The following CAMKV variants were observed in gnomAD, a reference collection of about 807,000 sequenced individuals.
CAMKV encodes the protein CaM kinase like vesicle associated, also known as caM kinase-like vesicle-associated protein.
Under a neutral mutation model 50.2 loss-of-function variants are expected in CAMKV, and 5 were observed. That is an observed-to-expected ratio of 0.10 (90% CI 0.05 to 0.21). The LOEUF (loss-of-function observed/expected upper bound fraction) is 0.21. CAMKV is among the 10% of genes least tolerant of loss of function. The pLI, the probability that CAMKV is intolerant of heterozygous loss-of-function variation, is 1.00. For synonymous variants in CAMKV, 229 were observed against 250.1 expected, an observed-to-expected ratio of 0.92 and a Z score of 0.80; for missense variants, 361 against 650.5, an observed-to-expected ratio of 0.55 and a Z score of 4.84.
chr3:49,867,692 G>A (rs1003240734), intron 1 of CAMKV, among the ~76,000 whole-genome samples: 4 of 152,086 alleles, frequency 2.6e-5, no homozygotes, highest in Admixed American at 2.6e-4. Flanking sequence ...GCTTCTTCAA[G>A]GTTCTGTGAC....
intron 1 of CAMKV, among the ~76,000 whole-genome samples, chr3:49,866,237 CA>C (rs894718279): frequency 2.0e-5 from 3 of 152,188 alleles, no homozygotes; most frequent in Non-Finnish European, 4.4e-5. Flanking sequence ...CCCACTCCAC[CA>C]TCTGCTATCC....
In CAMKV at chr3:49,858,567, T is replaced by C; in HGVS notation, c.*751A>G. ...GGTCTCATTGCCACGTCCTAATTGT[T>C]CCTCCTTTCCCTTAGAGGCTCATGA... On this transcript the variant is annotated 3_prime_UTR_variant, in exon 11 of 11. Coordinates refer to ENST00000477224, the MANE Select transcript of CAMKV (RefSeq NM_024046.5). The C allele has an allele frequency of 2.6e-6, 1 of 389,008 alleles. No homozygotes were observed. The highest frequency in any genetic ancestry group is 4.5e-6 in the Non-Finnish European group (1 of 220,750). 24.1% of individuals were successfully genotyped at this position (389,008 alleles called of 1,614,324 possible).
At position 49,861,103 on chromosome 3, in the gene CAMKV, A is replaced by G. The variant is rs1559456480; in HGVS notation, c.562+77T>C. ...CACACCAGCTTCCTGAGATGAGCAC[A>G]TTTTCCCCCTGCCCAGAGCAGCTCC... is the stretch of plus-strand genomic sequence containing the variant. On this transcript the variant is annotated intron_variant, in intron 6 of 10. Transcript: ENST00000477224. This position sits in a 1 kb window ranked among gnomAD's most constrained non-coding sequence, Gnocchi z 7.7. 1.9e-6 allele frequency: 3 copies of G among 1,599,638 alleles called. No individual in the cohort carries two copies. Among genetic ancestry groups the G allele is most frequent in the South Asian group, 2.2e-5 (2 of 89,656 alleles).
chr3:49,861,122 C>A lies in CAMKV; in HGVS notation c.562+58G>T. 6.3e-7 allele frequency: 1 copy of A among 1,589,352 alleles called. No homozygotes were observed. Among genetic ancestry groups the A allele is most frequent in the East Asian group, 2.3e-5 (1 of 43,962 alleles). On this transcript the variant is annotated intron_variant, in intron 6 of 10. Coordinates refer to ENST00000477224, the MANE Select transcript of CAMKV (RefSeq NM_024046.5). The surrounding 1 kb of genome is among the most constrained non-coding windows in gnomAD (Gnocchi z 7.7). The stretch of plus-strand genomic sequence containing the variant: ...GAGCACATTTTCCCCCTGCCCAGAG[C>A]AGCTCCCTGAAGGCTGCCCCCCATT...
At chr3:49,864,720 C>A (rs999916887) in intron 1 of CAMKV, among the ~76,000 whole-genome samples, 2 of 152,214 alleles carry the variant, frequency 1.3e-5, no homozygotes, top group African/African-American at 4.8e-5. Flanking sequence ...TGCATGTTTT[C>A]CCTCCATGCC....
rs1449247412 is a variant in CAMKV, at chr3:49,859,490, G to C, written c.1334C>G (p.Thr445Ser). 1 of 1,614,208 alleles carries C rather than the reference G, an allele frequency of 6.2e-7. No individual in the cohort carries two copies. ...GGCCAGCATGGCACTGCTTTGGGTGGTGGGCACAGTGCTCTCTTCTGTGGC... is the reference window on the plus strand; with the variant it reads ...GGCCAGCATGGCACTGCTTTGGGTGCTGGGCACAGTGCTCTCTTCTGTGGC... ...TPATEESTVP[T>S]TQSSAMLATK... Residue 445 changes from threonine to serine, a missense_variant, in exon 11 of 11, where the codon ACC becomes AGC. Around this residue, in one of 4 missense-constraint regions of CAMKV, gnomAD observed 75 missense variants for 84.2 expected, o/e 0.89. Coordinates refer to ENST00000477224, the MANE Select transcript of CAMKV (RefSeq NM_024046.5). This position sits in a 1 kb window ranked among gnomAD's most constrained non-coding sequence, Gnocchi z 5.5.
chr3:49,865,188 A>G (rs2082054550), intron 1 of CAMKV, among the ~76,000 whole-genome samples: 1 of 152,176 alleles, frequency 6.6e-6, no homozygotes, highest in South Asian at 2.1e-4. Context: ...CATGGGCACA[A>G]CCCTGCACTC....
chr3:49,861,755 C>A lies in CAMKV; in HGVS notation c.302+36G>T, dbSNP rs375155205. On this transcript the variant is annotated intron_variant, in intron 4 of 10. Transcript: ENST00000477224. The surrounding 1 kb of genome is among the most constrained non-coding windows in gnomAD (Gnocchi z 7.7). ...GGGTGGGACAGGTGAAAGCCCTGGGCGCTGGGGAATCTTGGGTCCCCAGAC... is the reference window on the plus strand; with the variant it reads ...GGGTGGGACAGGTGAAAGCCCTGGGAGCTGGGGAATCTTGGGTCCCCAGAC... 1 of 1,608,846 alleles carries A rather than the reference C, an allele frequency of 6.2e-7. No individual in the cohort carries two copies. Among genetic ancestry groups the A allele is most frequent in the East Asian group, 2.2e-5 (1 of 44,838 alleles).
intron 1 of CAMKV, among the ~76,000 whole-genome samples, chr3:49,868,070 A>G (rs1483565319): frequency 6.6e-6 from 1 of 152,168 alleles, no homozygotes; most frequent in Non-Finnish European, 1.5e-5. Context: ...TTGGTGGGGA[A>G]GAGGCCAGCT....
Position 49,860,468 on chromosome 3 carries a change from C to T in CAMKV, c.854+3G>A. On this transcript the variant is annotated splice_donor_region_variant and intron_variant, in intron 9 of 10. Coordinates refer to ENST00000477224, the MANE Select transcript of CAMKV (RefSeq NM_024046.5). The surrounding 1 kb of genome is among the most constrained non-coding windows in gnomAD (Gnocchi z 6.1). ...CTCCCACCCTCCCCTGGACCCTGCTCACCACTCATGGGAGATGGCCTCTTC... is the reference window on the plus strand; with the variant it reads ...CTCCCACCCTCCCCTGGACCCTGCTTACCACTCATGGGAGATGGCCTCTTC... The T allele has an allele frequency of 1.2e-6, 2 of 1,612,998 alleles. No individual in the cohort carries two copies. The highest frequency in any genetic ancestry group is 4.5e-5 in the East Asian group (2 of 44,818).
chr3:49,862,451 CACA>C lies in CAMKV; in HGVS notation c.-14-52_-14-50del. ...TTAGCTGTACTACTCTCCACTTCCC[CACA>C]ACATAGGGGCTGCTTTTGGGAGACC... On this transcript the variant is annotated intron_variant, in intron 1 of 10. Coordinates refer to ENST00000477224, the MANE Select transcript of CAMKV (RefSeq NM_024046.5). This position sits in a 1 kb window ranked among gnomAD's most constrained non-coding sequence, Gnocchi z 5.2. The C allele has an allele frequency of 6.6e-7, 1 of 1,524,056 alleles. No homozygotes were observed. Among genetic ancestry groups the C allele is most frequent in the Non-Finnish European group, 9.1e-7 (1 of 1,097,746 alleles). The allele number at this position is 1,524,056 out of a possible 1,614,324, so 94.4% of individuals were successfully genotyped here. A position where few individuals can be genotyped will look rare whatever the true frequency, so the allele number is the denominator to read the frequency against.
Position 49,859,504 on chromosome 3 carries a change from C to T in CAMKV, c.1320G>A (p.Glu440=), listed in dbSNP as rs144523890. Residue 440 remains glutamate (E), a synonymous_variant, in exon 11 of 11, where the codon GAG becomes GAA. Coordinates refer to ENST00000477224, the MANE Select transcript of CAMKV (RefSeq NM_024046.5). This position sits in a 1 kb window ranked among gnomAD's most constrained non-coding sequence, Gnocchi z 5.5. ...TDGRATPATE[E]STVPTTQSSA... is the part of the protein sequence containing the mutation. ...TGCTTTGGGTGGTGGGCACAGTGCT[C>T]TCTTCTGTGGCTGGTGTGGCTCTCC... 3 of 1,614,070 alleles carry T rather than the reference C, an allele frequency of 1.9e-6. No homozygotes were observed. Among genetic ancestry groups the T allele is most frequent in the East Asian group, 2.2e-5 (1 of 44,894 alleles).
At chr3:49,864,572 G>T (rs1335315855) in intron 1 of CAMKV, among the ~76,000 whole-genome samples, 3 of 152,096 alleles carry the variant, frequency 2.0e-5, no homozygotes, top group African/African-American at 7.2e-5. Context: ...CTCAAAGCTG[G>T]GGGTGGGGGG....
At position 49,869,477 on chromosome 3, in the gene CAMKV, G is replaced by C. The variant is rs2082089898; in HGVS notation, c.-15+281C>G. On this transcript the variant is annotated intron_variant, in intron 1 of 10. Transcript: ENST00000477224. This position sits in a 1 kb window ranked among gnomAD's most constrained non-coding sequence, Gnocchi z 5.2. ...CTCAGCTCTCGGCCCCTATCCTCAC[G>C]GGGGACCACGAATCTTCGAGGGTTA... Among the ~76,000 whole-genome samples the C allele has an allele frequency of 6.6e-6, 1 of 152,140 alleles. No homozygotes were observed. The highest frequency in any genetic ancestry group is 2.4e-5 in the African/African-American group (1 of 41,432).
Position 49,861,956 on chromosome 3 carries a change from C to T in CAMKV, c.227+89G>A, listed in dbSNP as rs1020355090. 2.4e-5 allele frequency: 39 copies of T among 1,607,602 alleles called. No homozygotes were observed. Among genetic ancestry groups the T allele is most frequent in the Non-Finnish European group, 3.3e-5 (39 of 1,176,566 alleles). ...ACAGTGGCCACAGCAGACTAATTGG[C>T]CAGAGGCTGGGACTGCCTGAGGCCA... On this transcript the variant is annotated intron_variant, in intron 3 of 10. Coordinates refer to ENST00000477224, the MANE Select transcript of CAMKV (RefSeq NM_024046.5). This position sits in a 1 kb window ranked among gnomAD's most constrained non-coding sequence, Gnocchi z 7.7.
At position 49,861,755 on chromosome 3, in the gene CAMKV, C is replaced by T. The variant is rs375155205; in HGVS notation, c.302+36G>A. The T allele has an allele frequency of 1.1e-4, 174 of 1,608,724 alleles. No individual in the cohort carries two copies. The highest frequency in any genetic ancestry group is 1.4e-4 in the Non-Finnish European group (163 of 1,175,648). ...GGGTGGGACAGGTGAAAGCCCTGGG[C>T]GCTGGGGAATCTTGGGTCCCCAGAC... On this transcript the variant is annotated intron_variant, in intron 4 of 10. Transcript: ENST00000477224. The surrounding 1 kb of genome is among the most constrained non-coding windows in gnomAD (Gnocchi z 7.7).
At chr3:49,864,429 C>T (rs925663034) in intron 1 of CAMKV, among the ~76,000 whole-genome samples, 5 of 152,138 alleles carry the variant, frequency 3.3e-5, no homozygotes, top group African/African-American at 7.2e-5. Context: ...GCTCAGTGAG[C>T]GCTAGGCACT....
In CAMKV at chr3:49,860,669, C is replaced by G; in HGVS notation, c.775+47G>C. On this transcript the variant is annotated intron_variant, in intron 8 of 10. Coordinates refer to ENST00000477224, the MANE Select transcript of CAMKV (RefSeq NM_024046.5). The surrounding 1 kb of genome is among the most constrained non-coding windows in gnomAD (Gnocchi z 6.1). ...GAGGAAGATGAGAGCAGGACACCCT[C>G]CCCACTCCCTTGCGTTCTACCAAGT... The G allele has an allele frequency of 6.2e-7, 1 of 1,612,662 alleles. No individual in the cohort carries two copies. The highest frequency in any genetic ancestry group is 1.3e-5 in the African/African-American group (1 of 75,004).
Position 49,859,438 on chromosome 3 carries a change from C to A in CAMKV, c.1386G>T (p.Pro462=). The change falls in exon 11 of 11, where the codon CCG becomes CCT. Residue 462 remains proline (P), a synonymous_variant. Transcript: ENST00000477224. This position sits in a 1 kb window ranked among gnomAD's most constrained non-coding sequence, Gnocchi z 5.5. ...LATKAAATPE[P]AMAQPDSTAP... ...CTGTGCTGTCCGGCTGGGCCATAGC[C>A]GGCTCAGGGGTGGCAGCTGCCTTGG... 1.9e-6 allele frequency: 3 copies of A among 1,613,260 alleles called. No individual in the cohort carries two copies. The highest frequency in any genetic ancestry group is 2.5e-6 in the Non-Finnish European group (3 of 1,179,390).
Sources: gnomAD v4.1 joint callset for allele counts (sites outside exome capture counted in the v4.1 genomes callset) on GRCh38, gnomAD v4.1.1 for gene constraint, gnomAD v4.1.1 regional missense constraint, Gnocchi (gnomAD v3.1) non-coding constraint, MANE v1.5 for transcripts, NCBI Gene and HGNC (gene_info 2026-07-23, HGNC 2026-07-21) for gene names.